The following SND1 variants were observed in gnomAD, a reference collection of about 807,000 sequenced individuals.
SND1 encodes the protein staphylococcal nuclease and tudor domain containing 1.
A neutral mutation model predicts 121.7 loss-of-function variants in SND1; 38 were observed. The observed-to-expected ratio is 0.31, with a 90% CI of 0.24 to 0.41. The LOEUF (loss-of-function observed/expected upper bound fraction) is 0.41, where lower values mean the gene tolerates loss of function less well. SND1 is among the 10% of genes least tolerant of loss of function. SND1 has a pLI of 1.00. For synonymous variants in SND1, 401 were observed against 447.4 expected (o/e 0.90, Z 1.31); for missense variants, 868 against 1,184.6 (o/e 0.73, Z 3.92).
Position 128,030,961 on chromosome 7 carries a change from C to T in SND1, c.1779+39905C>T, listed in dbSNP as rs542207382. 402 of 220,554 alleles carry T rather than the reference C, an allele frequency of 1.8e-3. 2 individuals are homozygous for T. The highest frequency in any genetic ancestry group is 8.1e-3 in the African/African-American group (355 of 43,810). 13.7% of individuals were successfully genotyped at this position (220,554 alleles called of 1,614,324 possible). A position where few individuals can be genotyped will look rare whatever the true frequency, so the allele number is the denominator to read the frequency against. ...CTGGCGTGGTGTCCTTAAGCTTTCT[C>T]CACGGGAGCTGGGCACCTCGTTCCC... On this transcript the variant is annotated intron_variant, in intron 16 of 23. Coordinates refer to ENST00000354725, the MANE Select transcript of SND1 (RefSeq NM_014390.4).
chr7:127,752,227 A>G (rs1301644459), intron 10 of SND1, among the ~76,000 whole-genome samples: 1 of 141,490 alleles, frequency 7.1e-6, no homozygotes, highest in East Asian at 2.0e-4. Flanking sequence ...TTTTTATTTC[A>G]CTCTCTGTGG....
chr7:128,072,007 C>A (rs1275660769), intron 16 of SND1, among the ~76,000 whole-genome samples: 2 of 152,200 alleles, frequency 1.3e-5, no homozygotes, highest in Admixed American at 1.3e-4. Flanking sequence ...CGCAGGAGAG[C>A]CCGGCTGCAC....
chr7:127,652,194 C>G lies in SND1; in HGVS notation c.-180C>G, dbSNP rs1016746520. 3.2e-6 allele frequency: 2 copies of G among 633,706 alleles called. No individual in the cohort carries two copies. Among genetic ancestry groups the G allele is most frequent in the African/African-American group, 3.7e-5 (2 of 53,972 alleles). The allele number at this position is 633,706 out of a possible 1,614,324, so 39.3% of individuals were successfully genotyped here. On this transcript the variant is annotated 5_prime_UTR_variant, in exon 1 of 24. Coordinates refer to ENST00000354725, the MANE Select transcript of SND1 (RefSeq NM_014390.4). ...CGTGTGGCGGCGGCGGAGATCGCGT[C>G]TCTTTCGCTCCGTGTCCCGCTGCTG... is the stretch of plus-strand genomic sequence containing the variant.
chr7:128,014,256 T>G (rs1651687583), intron 16 of SND1, among the ~76,000 whole-genome samples: 1 of 152,214 alleles, frequency 6.6e-6, no homozygotes, highest in African/African-American at 2.4e-5. Context: ...TCAGTAAGTC[T>G]TCTTGCCTCC....
chr7:128,044,228 CT>C (rs1465139172), intron 16 of SND1, among the ~76,000 whole-genome samples: 3 of 152,216 alleles, frequency 2.0e-5, no homozygotes, highest in Admixed American at 6.5e-5. Flanking sequence ...GCCAATGGCA[CT>C]TGTGGTTTGT....
intron 15 of SND1, among the ~76,000 whole-genome samples, chr7:127,966,035 T>C (rs1320250511): frequency 1.6e-5 from 2 of 126,760 alleles, no homozygotes. Context: ...TTTTCTAGTT[T>C]ATTTGCGTAG....
chr7:128,047,829 C>G (rs1486105228), intron 16 of SND1, among the ~76,000 whole-genome samples: 1 of 151,908 alleles, frequency 6.6e-6, no homozygotes, highest in African/African-American at 2.4e-5. Flanking sequence ...TTTTGTATGA[C>G]TTATTGTTTA....
chr7:127,815,952 CTTTA>C (rs946641033), intron 11 of SND1, among the ~76,000 whole-genome samples: 3 of 152,130 alleles, frequency 2.0e-5, no homozygotes, highest in Non-Finnish European at 2.9e-5. Context: ...GTCTTACTTC[CTTTA>C]TTTGTGTTTA....
At chr7:127,913,180 T>C (rs1222462832) in intron 14 of SND1, among the ~76,000 whole-genome samples, 1 of 152,212 alleles carries the variant, frequency 6.6e-6, no homozygotes, top group Non-Finnish European at 1.5e-5. Context: ...TCTTTATTTG[T>C]TCGTTCTTAT....
chr7:127,677,003 A>T (rs1327590751), intron 1 of SND1, among the ~76,000 whole-genome samples: 1 of 152,192 alleles, frequency 6.6e-6, no homozygotes, highest in Non-Finnish European at 1.5e-5. Flanking sequence ...TGGCCTCCCA[A>T]AGTGTTGGGA....
intron 10 of SND1, among the ~76,000 whole-genome samples, chr7:127,731,080 G>T (rs545702149): frequency 1.3e-5 from 2 of 152,238 alleles, no homozygotes; most frequent in African/African-American, 4.8e-5. Context: ...GTGGAGGTCT[G>T]GGAGGAGCTG....
At chr7:127,681,922 C>T (rs1795734339) in intron 1 of SND1, among the ~76,000 whole-genome samples, 1 of 152,206 alleles carries the variant, frequency 6.6e-6, no homozygotes, top group Non-Finnish European at 1.5e-5. Flanking sequence ...ACTATCTTAA[C>T]TAGTGGATAT....
chr7:127,925,383 A>C (rs774491661), intron 14 of SND1, among the ~76,000 whole-genome samples: 1 of 152,218 alleles, frequency 6.6e-6, no homozygotes, highest in African/African-American at 2.4e-5. Flanking sequence ...TCTCAAAGCT[A>C]TGAGCCAACA....
intron 12 of SND1, among the ~76,000 whole-genome samples, chr7:127,878,652 T>G (rs999979280): frequency 1.1e-4 from 16 of 152,140 alleles, no homozygotes; most frequent in African/African-American, 3.9e-4. Flanking sequence ...GTAGCCACTG[T>G]TTTGATCCTC....
rs112166536 is a variant in SND1 at position 127,831,939 on chromosome 7, G to A, written c.1243-12385G>A. Among the ~76,000 whole-genome samples the A allele has an allele frequency of 1.8e-3, 276 of 152,238 alleles. 1 individual carries two copies. Among genetic ancestry groups the A allele is most frequent in the African/African-American group, 5.8e-3 (242 of 41,544 alleles). ...AAGATAAGCCCTTCTACAGTGCCAA[G>A]TATGTTCCTCTGGATTCTGTTCCAT... On this transcript the variant is annotated intron_variant, in intron 11 of 23. Transcript: ENST00000354725.
intron 15 of SND1, among the ~76,000 whole-genome samples, chr7:127,950,246 G>A (rs538093517): frequency 7.9e-5 from 12 of 152,126 alleles, no homozygotes; most frequent in African/African-American, 2.9e-4. Context: ...TGGGAATTAC[G>A]AAATATTCAT....
chr7:127,752,073 G>A (rs906166285), intron 10 of SND1, among the ~76,000 whole-genome samples: 1 of 152,232 alleles, frequency 6.6e-6, no homozygotes, highest in Non-Finnish European at 1.5e-5. Context: ...CAGCCATGTT[G>A]TTAGATGTAG....
intron 13 of SND1, among the ~76,000 whole-genome samples, chr7:127,896,880 C>T (rs903679084): frequency 2.6e-5 from 4 of 152,028 alleles, no homozygotes; most frequent in Non-Finnish European, 5.9e-5. Flanking sequence ...TCATCTGCAG[C>T]GTCAGGTGGC....
intron 14 of SND1, among the ~76,000 whole-genome samples, chr7:127,915,159 G>A (rs1800547981): frequency 6.6e-6 from 1 of 152,040 alleles, no homozygotes; most frequent in Non-Finnish European, 1.5e-5. Context: ...CTAACTACAT[G>A]TGTACCACTA....
Sources: allele counts gnomAD v4.1 joint callset (sites outside exome capture counted in the v4.1 genomes callset), GRCh38; gene constraint gnomAD v4.1.1; transcripts MANE v1.5; gene names NCBI Gene and HGNC (gene_info 2026-07-23, HGNC 2026-07-21).